CBLB: variants seen among roughly 807,000 people sequenced by gnomAD.
CBLB encodes the protein Cbl proto-oncogene B, also known as E3 ubiquitin-protein ligase CBL-B.
In CBLB, 31 loss-of-function variants were observed where a neutral mutation model predicts 104.9. That is an observed-to-expected ratio of 0.30 (90% CI 0.22 to 0.40). CBLB has a LOEUF of 0.40. Ranked by LOEUF, CBLB falls within the 10% of genes least tolerant of loss-of-function variation. The probability of loss-of-function intolerance (pLI) is 1.00; values close to 1 mark genes in which losing one functional copy is unlikely to be tolerated. For synonymous variants in CBLB, 440 were observed against 422.6 expected (o/e 1.04, Z -0.51); for missense variants, 1,062 against 1,214.6 (o/e 0.87, Z 1.87).
chr3:105,761,118 G>T (rs184041537), intron 4 of CBLB, among the ~76,000 whole-genome samples: 2 of 152,044 alleles, frequency 1.3e-5, no homozygotes, highest in Non-Finnish European at 2.9e-5. Context: ...CTGCAACCTC[G>T]ACCTCCCAGG....
chr3:105,825,750 T>C (rs1399293415), intron 3 of CBLB, among the ~76,000 whole-genome samples: 1 of 152,340 alleles, frequency 6.6e-6, no homozygotes, highest in South Asian at 2.1e-4. Context: ...GTTGAAATTT[T>C]TGTCTGCTTT....
chr3:105,820,360 C>T (rs2153056114), intron 3 of CBLB, among the ~76,000 whole-genome samples: 1 of 152,168 alleles, frequency 6.6e-6, no homozygotes, highest in East Asian at 1.9e-4. Context: ...GGTCTGTGGC[C>T]CAGGGGTTAA....
intron 3 of CBLB, among the ~76,000 whole-genome samples, chr3:105,797,466 G>A (rs1260771263): frequency 1.3e-5 from 2 of 152,150 alleles, no homozygotes; most frequent in African/African-American, 2.4e-5. Flanking sequence ...GGAGGAGAGA[G>A]AGGATCAAAA....
intron 3 of CBLB, among the ~76,000 whole-genome samples, chr3:105,820,343 C>T (rs928337310): frequency 3.9e-5 from 6 of 152,136 alleles, no homozygotes; most frequent in African/African-American, 1.2e-4. Context: ...TTCCTGATAT[C>T]GGTATCGGTC....
At chr3:105,769,986 G>A (rs1413863653) in intron 4 of CBLB, among the ~76,000 whole-genome samples, 1 of 152,006 alleles carries the variant, frequency 6.6e-6, no homozygotes, top group East Asian at 1.9e-4. Flanking sequence ...GAGAGGAGAG[G>A]CTATGTAAGA....
chr3:105,822,206 A>G (rs990810435), intron 3 of CBLB, among the ~76,000 whole-genome samples: 1 of 152,150 alleles, frequency 6.6e-6, no homozygotes, highest in Non-Finnish European at 1.5e-5. Context: ...AACAAATTAC[A>G]CTTTTGAATG....
At chr3:105,707,034 G>C (rs1478024089) in intron 10 of CBLB, among the ~76,000 whole-genome samples, 2 of 152,132 alleles carry the variant, frequency 1.3e-5, no homozygotes, top group Non-Finnish European at 2.9e-5. Flanking sequence ...TAATATTTAA[G>C]CAGTTAGTAA....
rs116818139 is a variant in CBLB at position 105,857,722 on chromosome 3, G to A, written c.169-4058C>T. ...TTTACGTAAACTTCAGGACCCATTT[G>A]TTAATTCAACAAACATTTATGTGGC... On this transcript the variant is annotated intron_variant, in intron 2 of 18. Coordinates refer to ENST00000394030, the MANE Select transcript of CBLB (RefSeq NM_170662.5). Among the ~76,000 whole-genome samples, 1,303 of 152,162 alleles carry A rather than the reference G, an allele frequency of 8.6e-3. 18 individuals are homozygous for A. The highest frequency in any genetic ancestry group is 0.029 in the African/African-American group (1,199 of 41,518).
chr3:105,741,630 G>C (rs1035135768), intron 6 of CBLB, among the ~76,000 whole-genome samples: 1 of 151,952 alleles, frequency 6.6e-6, no homozygotes, highest in Non-Finnish European at 1.5e-5. Context: ...CTCCTGACCT[G>C]GTGATCTGCC....
chr3:105,826,493 AC>A (rs1375721143), intron 3 of CBLB, among the ~76,000 whole-genome samples: 3 of 152,208 alleles, frequency 2.0e-5, no homozygotes, highest in African/African-American at 7.2e-5. Flanking sequence ...AAATGGTGCC[AC>A]TTCACTGCTT....
chr3:105,810,644 T>A (rs1044935997), intron 3 of CBLB, among the ~76,000 whole-genome samples: 3 of 152,144 alleles, frequency 2.0e-5, no homozygotes, highest in African/African-American at 7.2e-5. Context: ...ATCAATAATA[T>A]TCCATAGATT....
intron 17 of CBLB, among the ~76,000 whole-genome samples, chr3:105,674,962 T>C (rs949586547): frequency 7.2e-5 from 11 of 152,120 alleles, no homozygotes; most frequent in Middle Eastern, 3.2e-3. Flanking sequence ...TGCAGAGACA[T>C]AGGACACTGC....
intron 6 of CBLB, among the ~76,000 whole-genome samples, chr3:105,741,041 GT>G (rs2152879821): frequency 1.4e-5 from 2 of 144,390 alleles, no homozygotes; most frequent in South Asian, 4.5e-4. Flanking sequence ...AACTGAGCCA[GT>G]TTCTACTGTA....
chr3:105,725,837 T>G (rs546354349), intron 9 of CBLB, among the ~76,000 whole-genome samples: 5 of 151,650 alleles, frequency 3.3e-5, no homozygotes, highest in Admixed American at 2.6e-4. Flanking sequence ...GTAAAACATT[T>G]ATTTTATTTT....
intron 3 of CBLB, among the ~76,000 whole-genome samples, chr3:105,819,972 T>G (rs1577491191): frequency 6.6e-6 from 1 of 152,256 alleles, no homozygotes; most frequent in South Asian, 2.1e-4. Context: ...CTACATTTAT[T>G]GTGCACTTGA....
intron 7 of CBLB, among the ~76,000 whole-genome samples, chr3:105,738,845 T>C (rs950148704): frequency 6.6e-5 from 10 of 152,036 alleles, no homozygotes; most frequent in African/African-American, 2.2e-4. Flanking sequence ...AAATACACAT[T>C]TGGTACCATA....
At chr3:105,758,448 T>C (rs887254796) in intron 4 of CBLB, among the ~76,000 whole-genome samples, 3 of 152,198 alleles carry the variant, frequency 2.0e-5, no homozygotes, top group African/African-American at 4.8e-5. Flanking sequence ...CTGTCGCTTA[T>C]TGTTTGTGTG....
chr3:105,688,085 T>A (rs1243077057), intron 13 of CBLB, among the ~76,000 whole-genome samples: 1 of 152,132 alleles, frequency 6.6e-6, no homozygotes, highest in Non-Finnish European at 1.5e-5. Context: ...GTAGAAAAAA[T>A]TTCTATCTTA....
chr3:105,715,899 C>T (rs1471637419), intron 10 of CBLB, among the ~76,000 whole-genome samples: 2 of 151,970 alleles, frequency 1.3e-5, no homozygotes, highest in East Asian at 1.9e-4. Flanking sequence ...ATTAGCCAGG[C>T]GTGGTGGCAG....
Sources: gnomAD v4.1 joint callset for allele counts (sites outside exome capture counted in the v4.1 genomes callset) on GRCh38, gnomAD v4.1.1 for gene constraint, MANE v1.5 for transcripts, NCBI Gene and HGNC (gene_info 2026-07-23, HGNC 2026-07-21) for gene names.